The following ZC3H3 variants were observed in gnomAD, a reference collection of about 807,000 sequenced individuals.
The protein encoded by ZC3H3 is zinc finger CCCH-type containing 3.
A neutral mutation model predicts 77.3 loss-of-function variants in ZC3H3; 36 were observed. That is an observed-to-expected ratio of 0.47 (90% CI 0.36 to 0.61). The LOEUF (loss-of-function observed/expected upper bound fraction) is 0.61. Among genes scored for constraint, ZC3H3 ranks in the 20% least tolerant of loss-of-function variants. The pLI is 0.00. For synonymous variants in ZC3H3, 626 were observed against 555.2 expected (o/e 1.13, Z -1.79); for missense variants, 1,331 against 1,312.2 (o/e 1.01, Z -0.22).
chr8:143,541,045 G>A (rs1325433450), intron 1 of ZC3H3, among the ~76,000 whole-genome samples: 2 of 152,260 alleles, frequency 1.3e-5, no homozygotes, highest in Admixed American at 6.5e-5. Flanking sequence ...GCCCCGCAGT[G>A]GGGCGCGGGG....
At chr8:143,463,343 C>T (rs535197273) in intron 9 of ZC3H3, among the ~76,000 whole-genome samples, 41 of 152,246 alleles carry the variant, frequency 2.7e-4, no homozygotes, top group Non-Finnish European at 4.9e-4. Context: ...CCAGAGCCGC[C>T]GGGTGCTGGG....
At chr8:143,520,234 G>C (rs963569222) in intron 3 of ZC3H3, among the ~76,000 whole-genome samples, 21 of 152,228 alleles carry the variant, frequency 1.4e-4, no homozygotes, top group African/African-American at 7.2e-5. Context: ...ACAGAACAAA[G>C]AAGAGGCTGA....
intron 3 of ZC3H3, among the ~76,000 whole-genome samples, chr8:143,528,186 G>A (rs956792290): frequency 3.9e-5 from 6 of 152,200 alleles, no homozygotes; most frequent in African/African-American, 9.6e-5. Context: ...CGGGCCCTGC[G>A]TGCTCCTGCC....
chr8:143,446,703 G>A (rs1014978496), intron 9 of ZC3H3, among the ~76,000 whole-genome samples: 2 of 152,236 alleles, frequency 1.3e-5, no homozygotes, highest in Non-Finnish European at 2.9e-5. Context: ...AGAAAGCACA[G>A]AGGCCCGTCC....
chr8:143,489,816 C>T (rs953560793), intron 4 of ZC3H3, among the ~76,000 whole-genome samples: 9 of 152,184 alleles, frequency 5.9e-5, no homozygotes, highest in Non-Finnish European at 1.2e-4. Context: ...GGGAAGTGGA[C>T]GCAATCTTAG....
At chr8:143,512,969 G>A (rs1341775658) in intron 3 of ZC3H3, among the ~76,000 whole-genome samples, 1 of 152,142 alleles carries the variant, frequency 6.6e-6, no homozygotes, top group Non-Finnish European at 1.5e-5. Context: ...CCTGAGAGAG[G>A]AGAGAGCAGG....
chr8:143,530,069 C>G lies in ZC3H3; in HGVS notation c.1561+6188G>C, dbSNP rs1181605255. Among the ~76,000 whole-genome samples, 1 of 152,212 alleles carries G rather than the reference C, an allele frequency of 6.6e-6. No individual in the cohort carries two copies. Among genetic ancestry groups the G allele is most frequent in the Admixed American group, 6.5e-5 (1 of 15,282 alleles). The stretch of plus-strand genomic sequence containing the variant: ...GACTGAGGGACGGGTAGGAATCGCC[C>G]TCCGTGTGTACAGCAAGCTCTGGGC... On this transcript the variant is annotated intron_variant, in intron 3 of 11. Transcript: ENST00000262577. This position sits in a 1 kb window ranked among gnomAD's most constrained non-coding sequence, Gnocchi z 4.3.
chr8:143,523,303 T>C (rs1181495927), intron 3 of ZC3H3: 17 of 985,128 alleles, frequency 1.7e-5, no homozygotes, highest in Non-Finnish European at 2.0e-5. Flanking sequence ...AGACGCACGA[T>C]GAAACCAAGC....
At chr8:143,446,612 G>T (rs1381981442) in intron 9 of ZC3H3, among the ~76,000 whole-genome samples, 1 of 152,182 alleles carries the variant, frequency 6.6e-6, no homozygotes, top group Non-Finnish European at 1.5e-5. Context: ...TTACATCAGA[G>T]AAATACCAAT....
chr8:143,480,748 G>A (rs766444496), intron 4 of ZC3H3, among the ~76,000 whole-genome samples: 22 of 152,226 alleles, frequency 1.4e-4, no homozygotes, highest in Non-Finnish European at 1.6e-4. Context: ...ACTGCCTGCG[G>A]TGTCTCCGTG....
intron 3 of ZC3H3, among the ~76,000 whole-genome samples, chr8:143,511,198 TGACGCATCATCAGGAGG>T (rs1356524664): frequency 1.3e-5 from 2 of 152,118 alleles, no homozygotes; most frequent in Non-Finnish European, 2.9e-5. Context: ...ACATGCCCAA[TGACGCATCATCAGGAGG>T]GCGGCCGCTG....
chr8:143,511,281 C>T (rs1821862632), intron 3 of ZC3H3, among the ~76,000 whole-genome samples: 1 of 152,214 alleles, frequency 6.6e-6, no homozygotes, highest in Non-Finnish European at 1.5e-5. Context: ...GCCCTGCCCA[C>T]CCGGCTCACT....
intron 1 of ZC3H3, among the ~76,000 whole-genome samples, 195 bp downstream of exon 1, chr8:143,541,181 C>G (rs1487749344): frequency 6.6e-6 from 1 of 152,188 alleles, no homozygotes; most frequent in East Asian, 1.9e-4. Flanking sequence ...ACCACTCCCT[C>G]GACAAAGCTG....
intron 9 of ZC3H3, among the ~76,000 whole-genome samples, chr8:143,454,380 C>T (rs1395529698): frequency 1.3e-5 from 2 of 150,742 alleles, no homozygotes; most frequent in African/African-American, 2.4e-5. Flanking sequence ...TGTGAGCCAT[C>T]GTGCCTGGCC....
At chr8:143,449,425 A>C (rs1448901686) in intron 9 of ZC3H3, among the ~76,000 whole-genome samples, 1 of 152,210 alleles carries the variant, frequency 6.6e-6, no homozygotes, top group Non-Finnish European at 1.5e-5. Context: ...GCTGCTTAGA[A>C]ACTTCCACCA....
At chr8:143,447,694 A>G (rs1158391911) in intron 9 of ZC3H3, among the ~76,000 whole-genome samples, 1 of 152,224 alleles carries the variant, frequency 6.6e-6, no homozygotes, top group Non-Finnish European at 1.5e-5. Flanking sequence ...TCATGGCAGA[A>G]GGTGAAGTGG....
In ZC3H3 at chr8:143,440,231, G is replaced by A. The variant is rs772517950; in HGVS notation, c.2625C>T (p.Ser875=). 6.2e-7 allele frequency: 1 copy of A among 1,604,156 alleles called. No homozygotes were observed. The highest frequency in any genetic ancestry group is 1.7e-5 in the Admixed American group (1 of 58,126). Residue 875 remains serine (S), a synonymous_variant, in exon 11 of 12, where the codon TCC becomes TCT. Coordinates refer to ENST00000262577, the MANE Select transcript of ZC3H3 (RefSeq NM_015117.3). ...CGGGAGGGGATGAGGAGGAGGAGGA[G>A]GAGGAGGAAGCCTTCGAGGATGAGG... The part of the protein sequence containing the change: ...ASPSSSKASS[S]SSSSSSPPAS...
intron 4 of ZC3H3, among the ~76,000 whole-genome samples, chr8:143,489,432 C>T (rs1821137328): frequency 6.6e-6 from 1 of 152,126 alleles, no homozygotes; most frequent in Admixed American, 6.5e-5. Context: ...GGGGATGCGC[C>T]CTCCCACCGC....
intron 4 of ZC3H3, among the ~76,000 whole-genome samples, chr8:143,498,531 G>T (rs1586926355): frequency 6.6e-6 from 1 of 151,724 alleles, no homozygotes; most frequent in Non-Finnish European, 1.5e-5. Flanking sequence ...CCAGAGCTGT[G>T]CTAGGACATA....
Sources: allele counts gnomAD v4.1 joint callset (sites outside exome capture counted in the v4.1 genomes callset), GRCh38; gene constraint gnomAD v4.1.1; non-coding constraint Gnocchi (gnomAD v3.1); transcripts MANE v1.5; gene names NCBI Gene and HGNC (gene_info 2026-07-23, HGNC 2026-07-21).